Variants in NLGN1 observed in about 807,000 individuals in gnomAD.
NLGN1 encodes the protein neuroligin 1, also known as neuroligin-1.
NLGN1 carries 12 observed loss-of-function variants against 65.5 expected under a neutral mutation model. The ratio of observed to expected loss-of-function variants is 0.18; its 90% CI spans 0.12 to 0.30. The LOEUF is 0.30. NLGN1 is among the 10% of genes least tolerant of loss of function. The probability of loss-of-function intolerance (pLI) is 1.00; values close to 1 mark genes in which losing one functional copy is unlikely to be tolerated. For missense variants in NLGN1, 750 were observed against 1,007.1 expected, an observed-to-expected ratio of 0.74 and a Z score of 3.46; for synonymous variants, 350 against 359.5, an observed-to-expected ratio of 0.97 and a Z score of 0.30.
intron 4 of NLGN1, among the ~76,000 whole-genome samples, chr3:173,845,277 T>C (rs904121822): frequency 2.0e-5 from 3 of 152,178 alleles, no homozygotes; most frequent in Non-Finnish European, 4.4e-5. Context: ...CCTGGAGTTT[T>C]ATTACACAAT....
intron 4 of NLGN1, among the ~76,000 whole-genome samples, chr3:174,243,351 G>A (rs1279691264): frequency 6.6e-6 from 1 of 152,152 alleles, no homozygotes; most frequent in Non-Finnish European, 1.5e-5. Flanking sequence ...GGGTGGGCAG[G>A]CTGGAGACTC....
chr3:173,829,489 A>G (rs1250950804), intron 4 of NLGN1, among the ~76,000 whole-genome samples: 2 of 82,204 alleles, frequency 2.4e-5, no homozygotes, highest in South Asian at 2.9e-4. Flanking sequence ...ACTGATTACC[A>G]TAGTCAAATT....
chr3:173,982,298 C>T (rs1718947073), intron 4 of NLGN1, among the ~76,000 whole-genome samples: 2 of 151,852 alleles, frequency 1.3e-5, no homozygotes, highest in African/African-American at 4.8e-5. Flanking sequence ...TACCAGGAAG[C>T]TTTATCTAAA....
chr3:173,550,195 T>C (rs1367769524), intron 2 of NLGN1, among the ~76,000 whole-genome samples: 1 of 152,118 alleles, frequency 6.6e-6, no homozygotes, highest in Admixed American at 6.6e-5. Flanking sequence ...AAGGGACATG[T>C]GAACGCCAAT....
chr3:173,420,841 C>T (rs576012680), intron 1 of NLGN1, among the ~76,000 whole-genome samples: 1 of 152,286 alleles, frequency 6.6e-6, no homozygotes, highest in Non-Finnish European at 1.5e-5. Flanking sequence ...TGTACTTTTT[C>T]ATGTACAAAA....
intron 4 of NLGN1, among the ~76,000 whole-genome samples, chr3:173,895,081 G>A (rs1360675543): frequency 2.6e-5 from 4 of 152,148 alleles, no homozygotes; most frequent in Non-Finnish European, 4.4e-5. Flanking sequence ...GCCGGGAGGG[G>A]GGGAGTTGTT....
chr3:173,470,591 C>A (rs1725155189), intron 2 of NLGN1, among the ~76,000 whole-genome samples: 1 of 151,944 alleles, frequency 6.6e-6, no homozygotes, highest in Admixed American at 6.6e-5. Flanking sequence ...TCTGTTTGTT[C>A]TTCTGTAAAA....
intron 4 of NLGN1, among the ~76,000 whole-genome samples, chr3:173,952,514 T>G (rs2152331152): frequency 6.6e-6 from 1 of 152,348 alleles, no homozygotes; most frequent in East Asian, 1.9e-4. Flanking sequence ...GCTTGAATTG[T>G]ATCTATAACC....
chr3:174,046,899 T>C (rs1167239020), intron 4 of NLGN1, among the ~76,000 whole-genome samples: 2 of 152,074 alleles, frequency 1.3e-5, no homozygotes, highest in Non-Finnish European at 2.9e-5. Context: ...ATGAGAGTTG[T>C]ATAGTATAGT....
chr3:173,783,411 C>CA (rs942889613), intron 3 of NLGN1, among the ~76,000 whole-genome samples: 8 of 152,146 alleles, frequency 5.3e-5, no homozygotes, highest in African/African-American at 1.9e-4. Flanking sequence ...TCCCTGGCCT[C>CA]AGTGTCCTCA....
At chr3:173,397,617 T>G (rs1716841986), upstream of NLGN1, among the ~76,000 whole-genome samples, 1 of 151,458 alleles carries the variant, frequency 6.6e-6, no homozygotes, top group Non-Finnish European at 1.5e-5. Context: ...CACTCTCCCG[T>G]TCCCCCGTCA....
At chr3:174,109,958 A>C (rs1007728449) in intron 4 of NLGN1, among the ~76,000 whole-genome samples, 1 of 152,104 alleles carries the variant, frequency 6.6e-6, no homozygotes, top group Admixed American at 6.6e-5. Flanking sequence ...TTTGATAATT[A>C]AAGACATTTT....
chr3:173,903,666 A>G (rs141224471), intron 4 of NLGN1, among the ~76,000 whole-genome samples: 20 of 152,260 alleles, frequency 1.3e-4, no homozygotes, highest in African/African-American at 4.6e-4. Context: ...AAGGTACAGA[A>G]TATAGAAGAG....
At chr3:173,939,233 G>A (rs985842261) in intron 4 of NLGN1, among the ~76,000 whole-genome samples, 1 of 152,174 alleles carries the variant, frequency 6.6e-6, no homozygotes, top group African/African-American at 2.4e-5. Flanking sequence ...ATCTAACGGA[G>A]TTCTCCTGAG....
At chr3:173,700,819 C>G (rs1378620949) in intron 3 of NLGN1, among the ~76,000 whole-genome samples, 1 of 152,126 alleles carries the variant, frequency 6.6e-6, no homozygotes, top group Non-Finnish European at 1.5e-5. Context: ...CTCTTAAGCT[C>G]TAGACCTCAT....
At chr3:174,072,216 T>C (rs1349538372) in intron 4 of NLGN1, among the ~76,000 whole-genome samples, 1 of 152,156 alleles carries the variant, frequency 6.6e-6, no homozygotes, top group Non-Finnish European at 1.5e-5. Context: ...ATTCTACAAA[T>C]GAACCAGAGA....
At chr3:174,218,135 A>G (rs1284720990) in intron 4 of NLGN1, among the ~76,000 whole-genome samples, 1 of 152,074 alleles carries the variant, frequency 6.6e-6, no homozygotes, top group Admixed American at 6.6e-5. Flanking sequence ...CCTTTAAATA[A>G]TCAAGCAAGG....
At chr3:174,017,721 T>C (rs1392719929) in intron 4 of NLGN1, among the ~76,000 whole-genome samples, 1 of 152,018 alleles carries the variant, frequency 6.6e-6, no homozygotes, top group Non-Finnish European at 1.5e-5. Flanking sequence ...TTAGTGATTT[T>C]CAAAAGGGGA....
At chr3:173,873,670 T>C (rs191500175) in intron 4 of NLGN1, among the ~76,000 whole-genome samples, 4 of 152,334 alleles carry the variant, frequency 2.6e-5, no homozygotes, top group Admixed American at 2.6e-4. Flanking sequence ...TTCAATCAAG[T>C]TAGAATGGCC....
Sources: allele counts gnomAD v4.1 joint callset (sites outside exome capture counted in the v4.1 genomes callset), GRCh38; gene constraint gnomAD v4.1.1; transcripts MANE v1.5; gene names NCBI Gene and HGNC (gene_info 2026-07-23, HGNC 2026-07-21).